Variants in FGF14 observed in about 807,000 individuals in gnomAD.
The protein encoded by FGF14 is fibroblast growth factor 14, also known as fibroblast growth factor homologous factor 4.
In FGF14, 5 loss-of-function variants were observed where a neutral mutation model predicts 25.5. That is an observed-to-expected ratio of 0.20 (90% CI 0.10 to 0.41). The LOEUF (loss-of-function observed/expected upper bound fraction) is 0.41. Ranked by LOEUF, FGF14 falls within the 10% of genes least tolerant of loss-of-function variation. The pLI is 1.00. For missense variants in FGF14, 222 were observed against 320.1 expected (o/e 0.69, Z 2.34); for synonymous variants, 138 against 118.3 (o/e 1.17, Z -1.08).
intron 1 of FGF14, among the ~76,000 whole-genome samples, chr13:102,243,098 T>G (rs1009431365): frequency 6.6e-6 from 1 of 152,082 alleles, no homozygotes; most frequent in Non-Finnish European, 1.5e-5. Context: ...GACATAATGG[T>G]GGTCAGCTAC....
chr13:102,201,176 T>C (rs1426125547), intron 1 of FGF14, among the ~76,000 whole-genome samples: 1 of 149,744 alleles, frequency 6.7e-6, no homozygotes, highest in Non-Finnish European at 1.5e-5. Flanking sequence ...CAGGAACAGT[T>C]TGAAATGAGA....
intron 1 of FGF14, among the ~76,000 whole-genome samples, chr13:102,188,505 A>G (rs577520675): frequency 6.6e-6 from 1 of 152,214 alleles, no homozygotes; most frequent in African/African-American, 2.4e-5. Flanking sequence ...AGTACCTAAC[A>G]CATTCTTTCT....
intron 1 of FGF14, among the ~76,000 whole-genome samples, chr13:102,172,883 C>A (rs1380460531): frequency 6.6e-6 from 1 of 152,136 alleles, no homozygotes; most frequent in African/African-American, 2.4e-5. Context: ...ACTGAAGTGT[C>A]AATGGACAAG....
At chr13:102,315,071 C>T (rs1392081277) in intron 1 of FGF14, among the ~76,000 whole-genome samples, 2 of 151,260 alleles carry the variant, frequency 1.3e-5, no homozygotes, top group Non-Finnish European at 2.9e-5. Flanking sequence ...ATAGGATATA[C>T]AAACATATAT....
At chr13:102,018,378 G>A (rs2040456166) in intron 1 of FGF14, among the ~76,000 whole-genome samples, 2 of 152,084 alleles carry the variant, frequency 1.3e-5, no homozygotes, top group South Asian at 4.1e-4. Context: ...CAGTCAGGGA[G>A]GTAGCTTTAC....
intron 1 of FGF14, among the ~76,000 whole-genome samples, chr13:102,109,517 C>T (rs1353292492): frequency 6.6e-6 from 1 of 151,926 alleles, no homozygotes; most frequent in South Asian, 2.1e-4. Context: ...ATGTTGTATA[C>T]CATAAATATA....
chr13:102,353,846 C>G (rs1194819692), intron 1 of FGF14, among the ~76,000 whole-genome samples: 1 of 152,200 alleles, frequency 6.6e-6, no homozygotes, highest in Non-Finnish European at 1.5e-5. Context: ...AACCATCAGG[C>G]TCTTCTAAGT....
Position 102,336,966 on chromosome 13 carries a change from G to A in FGF14, c.208+64505C>T, listed in dbSNP as rs76180191. Among the ~76,000 whole-genome samples the A allele has an allele frequency of 6.9e-4, 105 of 152,286 alleles. 1 individual carries two copies. The highest frequency in any genetic ancestry group is 2.5e-3 in the African/African-American group (102 of 41,564). ...CAAAATACTACTGCTCATTGACAATGCACCTAGTCACTCAAAAGCCTTGAT... is the reference window on the plus strand; with the variant it reads ...CAAAATACTACTGCTCATTGACAATACACCTAGTCACTCAAAAGCCTTGAT... On this transcript the variant is annotated intron_variant, in intron 1 of 4. Transcript: ENST00000376131.
chr13:101,877,809 G>C (rs2045481596), intron 1 of FGF14, among the ~76,000 whole-genome samples: 1 of 152,020 alleles, frequency 6.6e-6, no homozygotes, highest in Non-Finnish European at 1.5e-5. Context: ...TTTTCCATTG[G>C]CCACATTTCC....
chr13:102,000,743 T>C (rs2039448415), intron 1 of FGF14, among the ~76,000 whole-genome samples: 1 of 152,208 alleles, frequency 6.6e-6, no homozygotes, highest in East Asian at 1.9e-4. Flanking sequence ...ATGCAAATGC[T>C]CATAGTGATC....
chr13:101,975,873 G>A (rs886643240), intron 1 of FGF14, among the ~76,000 whole-genome samples: 10 of 152,164 alleles, frequency 6.6e-5, no homozygotes, highest in Non-Finnish European at 1.5e-4. Context: ...CTTGGACAAA[G>A]TAGAAAATAT....
At chr13:102,002,955 A>C (rs2139747040) in intron 1 of FGF14, 1 of 152,332 alleles carries the variant, frequency 6.6e-6, no homozygotes, top group Non-Finnish European at 1.5e-5. Context: ...CATTAAATTA[A>C]TAAACCCAAC....
chr13:101,726,582 A>G (rs2035451646), intron 4 of FGF14, 30 bp downstream of exon 4: 1 of 1,589,694 alleles, frequency 6.3e-7, no homozygotes. Context: ...TAATAAGTCT[A>G]TGTAATAATA....
intron 2 of FGF14, among the ~76,000 whole-genome samples, chr13:101,870,759 G>A (rs2045017556): frequency 6.6e-6 from 1 of 152,092 alleles, no homozygotes; most frequent in Non-Finnish European, 1.5e-5. Context: ...TTCGAGACCA[G>A]CCTGACCAAC....
chr13:102,229,082 G>T (rs1394137871), intron 1 of FGF14, among the ~76,000 whole-genome samples: 4 of 152,088 alleles, frequency 2.6e-5, no homozygotes, highest in African/African-American at 9.7e-5. Context: ...GCACCCCAGG[G>T]AAGATGTCAG....
At chr13:101,928,218 A>G (rs901583184) in intron 1 of FGF14, among the ~76,000 whole-genome samples, 3 of 152,216 alleles carry the variant, frequency 2.0e-5, no homozygotes, top group African/African-American at 7.2e-5. Flanking sequence ...GCAAAGGAAA[A>G]GGAAGAAAGT....
At chr13:101,728,831 G>A (rs1282137911) in intron 3 of FGF14, among the ~76,000 whole-genome samples, 3 of 152,110 alleles carry the variant, frequency 2.0e-5, no homozygotes, top group Non-Finnish European at 4.4e-5. Flanking sequence ...CTGGCTCACT[G>A]ATGCTCATCC....
intron 1 of FGF14, among the ~76,000 whole-genome samples, chr13:102,316,889 G>T (rs1269550556): frequency 6.6e-6 from 1 of 152,106 alleles, no homozygotes; most frequent in Non-Finnish European, 1.5e-5. Context: ...GATATTAAAT[G>T]CTGGCATCTT....
chr13:102,318,337 C>A (rs1420289103), intron 1 of FGF14, among the ~76,000 whole-genome samples: 1 of 152,172 alleles, frequency 6.6e-6, no homozygotes, highest in Non-Finnish European at 1.5e-5. Flanking sequence ...CCACCCTACC[C>A]AAACTGGGCA....
Sources: allele counts gnomAD v4.1 joint callset (sites outside exome capture counted in the v4.1 genomes callset), GRCh38; gene constraint gnomAD v4.1.1; transcripts MANE v1.5; gene names NCBI Gene and HGNC (gene_info 2026-07-23, HGNC 2026-07-21).